Variants in MYCBP2 observed in about 807,000 individuals in gnomAD.
MYCBP2 encodes E3 ubiquitin-protein ligase MYCBP2.
Under a neutral mutation model 525.3 loss-of-function variants are expected in MYCBP2, and 120 were observed. That is an observed-to-expected ratio of 0.23 (90% CI 0.20 to 0.27). The LOEUF (loss-of-function observed/expected upper bound fraction) is 0.27. Ranked by LOEUF, MYCBP2 falls within the 10% of genes least tolerant of loss-of-function variation. MYCBP2 has a pLI of 1.00. For synonymous variants in MYCBP2, 1,894 were observed against 1,955.8 expected (o/e 0.97, Z 0.83); for missense variants, 4,149 against 5,657.1 (o/e 0.73, Z 8.55).
Position 77,326,322 on chromosome 13 carries a change from G to A in MYCBP2, c.302+152C>T. On this transcript the variant is annotated intron_variant, in intron 1 of 82. Coordinates refer to ENST00000544440, the MANE Select transcript of MYCBP2 (RefSeq NM_015057.5). This position sits in a 1 kb window ranked among gnomAD's most constrained non-coding sequence, Gnocchi z 4.2. ...CCACCGCACCCTCCTATCTCGATAAGTGCTCCTGCCAACAGACATCCAGAG... is the reference window on the plus strand; with the variant it reads ...CCACCGCACCCTCCTATCTCGATAAATGCTCCTGCCAACAGACATCCAGAG... 1 of 714,954 alleles carries A rather than the reference G, an allele frequency of 1.4e-6. No individual in the cohort carries two copies. The highest frequency in any genetic ancestry group is 2.2e-6 in the Non-Finnish European group (1 of 464,678). 44.3% of individuals were successfully genotyped at this position (714,954 alleles called of 1,614,324 possible).
At chr13:77,102,737 A>T (rs905566916) in intron 55 of MYCBP2, among the ~76,000 whole-genome samples, 2 of 151,778 alleles carry the variant, frequency 1.3e-5, no homozygotes, top group Admixed American at 6.6e-5. Context: ...CCTAATAACT[A>T]ATTTAAACTT....
intron 58 of MYCBP2, 111 bp downstream of exon 58, chr13:77,095,247 A>G: frequency 7.7e-7 from 1 of 1,295,818 alleles, no homozygotes; most frequent in African/African-American, 1.5e-5. Flanking sequence ...GTTTGTTTAT[A>G]GTACACAATA....
chr13:77,136,381 T>C (rs1430152089), intron 52 of MYCBP2, among the ~76,000 whole-genome samples: 1 of 152,252 alleles, frequency 6.6e-6, no homozygotes, highest in East Asian at 1.9e-4. Context: ...ATTCACTATA[T>C]TGTTCTAGGA....
chr13:77,257,872 C>CT, intron 13 of MYCBP2, 43 bp from the exon 14 acceptor site: 1 of 1,521,422 alleles, frequency 6.6e-7, no homozygotes. Context: ...CAAAAAGGCC[C>CT]TTCTGAGCCT....
chr13:77,241,382 T>TA (rs1367002669), intron 17 of MYCBP2, among the ~76,000 whole-genome samples: 1 of 152,196 alleles, frequency 6.6e-6, no homozygotes, highest in East Asian at 1.9e-4. Flanking sequence ...GGATGTGCTA[T>TA]ACTGTAGTTT....
intron 8 of MYCBP2, among the ~76,000 whole-genome samples, chr13:77,266,746 GA>G (rs56408804): frequency 0.11 from 10,233 of 89,200 alleles, 361 homozygotes; most frequent in East Asian, 0.26. Context: ...GACTTGTAAT[GA>G]AAAAAAAAAA....
Position 77,326,439 on chromosome 13 carries a change from C to T in MYCBP2, c.302+35G>A. 6.6e-7 allele frequency: 1 copy of T among 1,513,472 alleles called. No individual in the cohort carries two copies. The highest frequency in any genetic ancestry group is 8.8e-7 in the Non-Finnish European group (1 of 1,136,588). The allele number at this position is 1,513,472 out of a possible 1,614,324, so 93.8% of individuals were successfully genotyped here. A position where few individuals can be genotyped will look rare whatever the true frequency, so the allele number is the denominator to read the frequency against. On this transcript the variant is annotated intron_variant, in intron 1 of 82. Transcript: ENST00000544440. This position sits in a 1 kb window ranked among gnomAD's most constrained non-coding sequence, Gnocchi z 4.2. ...CGGCATGGGGCGCAAGGAAGGGCGG[C>T]ATGGGGCGCAAGGAAGGGCACCCTG...
intron 54 of MYCBP2, among the ~76,000 whole-genome samples, chr13:77,122,794 T>C (rs913606584): frequency 6.6e-6 from 1 of 152,066 alleles, no homozygotes; most frequent in Non-Finnish European, 1.5e-5. Context: ...GCAATTCTGC[T>C]AAACCAGTGG....
In MYCBP2 at chr13:77,081,470, G is replaced by A. The variant is rs1233911314; in HGVS notation, c.11375C>T (p.Ala3792Val). ...ITINCVKGINARYVSVHVDNS... is the reference protein window; with the variant it reads ...ITINCVKGINVRYVSVHVDNS... ...GTCCACGTGAACAGACACATAGCGG[G>A]CATTGATTCCTTTTACACAGTTGAT... Residue 3792 changes from alanine to valine, a missense_variant, in exon 65 of 83, where the codon GCC (alanine) becomes GTC (valine). Physicochemically the swap from Ala to Val is moderately conservative, Grantham distance 64 (BLOSUM62 0). Coordinates refer to ENST00000544440, the MANE Select transcript of MYCBP2 (RefSeq NM_015057.5). The surrounding 1 kb of genome is among the most constrained non-coding windows in gnomAD (Gnocchi z 4.6). 1.9e-6 allele frequency: 3 copies of A among 1,612,456 alleles called. No homozygotes were observed. The highest frequency in any genetic ancestry group is 1.7e-5 in the Admixed American group (1 of 59,972).
In MYCBP2 at chr13:77,089,046, G is replaced by C; in HGVS notation, c.10526-15C>G. 1 of 1,584,676 alleles carries C rather than the reference G, an allele frequency of 6.3e-7. No homozygotes were observed. Among genetic ancestry groups the C allele is most frequent in the Non-Finnish European group, 8.6e-7 (1 of 1,163,760 alleles). On this transcript the variant is annotated splice_polypyrimidine_tract_variant and intron_variant, in intron 60 of 82. Transcript: ENST00000544440. ...AGAACCAACTTCTATTAAAGAAAAAGAAAATTATTAATTTTCATAGGCAGT... is the reference window on the plus strand; with the variant it reads ...AGAACCAACTTCTATTAAAGAAAAACAAAATTATTAATTTTCATAGGCAGT...
chr13:77,231,125 A>T (rs1566989508), intron 18 of MYCBP2, among the ~76,000 whole-genome samples: 2 of 152,362 alleles, frequency 1.3e-5, no homozygotes, highest in East Asian at 3.9e-4. Context: ...GAGTAAAAAG[A>T]TAAAACTATC....
In MYCBP2 at chr13:77,205,346, T is replaced by C. The variant is rs781505120; in HGVS notation, c.3753A>G (p.Val1251=). Residue 1251 remains valine, a synonymous_variant, in exon 26 of 83, where the codon GTA becomes GTG. Transcript: ENST00000544440. ...TGTCGGCACTGAAACGTATAGCTTC[T>C]ACTGAATGGGCAGAATAACCCCAGC... The part of the protein sequence containing the change: ...GGGWGYSAHS[V]EAIRFSADTD... The C allele has an allele frequency of 1.2e-6, 2 of 1,613,902 alleles. No individual in the cohort carries two copies. Among genetic ancestry groups the C allele is most frequent in the Non-Finnish European group, 1.7e-6 (2 of 1,179,860 alleles).
intron 38 of MYCBP2, among the ~76,000 whole-genome samples, chr13:77,170,198 T>C (rs774427223): frequency 2.0e-5 from 3 of 152,192 alleles, no homozygotes; most frequent in African/African-American, 7.2e-5. Flanking sequence ...GTAAAACACT[T>C]AGAACAACAC....
chr13:77,210,203 C>CT lies in MYCBP2; in HGVS notation c.3416+963dup, dbSNP rs1172865301. Among the ~76,000 whole-genome samples, 574 of 138,134 alleles carry CT rather than the reference C, an allele frequency of 4.2e-3. 5 individuals carry two copies. Among genetic ancestry groups the CT allele is most frequent in the South Asian group, 0.017 (71 of 4,294 alleles). The allele number at this position is 138,134 out of a possible 152,430, so 90.6% of individuals were successfully genotyped here. A position where few individuals can be genotyped will look rare whatever the true frequency, so the allele number is the denominator to read the frequency against. On this transcript the variant is annotated intron_variant, in intron 23 of 82. Transcript: ENST00000544440. The stretch of plus-strand genomic sequence containing the variant: ...TAAAGCACCACAATAATTTTTTTTT[C>CT]TTTTTTTTTTTTTTTGAGACAGAGT...
chr13:77,130,444 T>C (rs1224154449), intron 52 of MYCBP2, among the ~76,000 whole-genome samples: 1 of 151,882 alleles, frequency 6.6e-6, no homozygotes. Context: ...TATGTACAGA[T>C]GAATGTGGGT....
chr13:77,217,963 T>TCA lies in MYCBP2; in HGVS notation c.2940-7_2940-6insTG. ...GAACAAGAGTGGGACATCCCCTAGGTTAAAAAAAAAAAAAGTAAGTCAATT... is the reference window on the plus strand; with the variant it reads ...GAACAAGAGTGGGACATCCCCTAGGTCATAAAAAAAAAAAAAGTAAGTCAATT... On this transcript the variant is annotated splice_region_variant and splice_polypyrimidine_tract_variant and intron_variant, in intron 20 of 82. Transcript: ENST00000544440. The TCA allele has an allele frequency of 6.5e-7, 1 of 1,535,922 alleles. No individual in the cohort carries two copies. Among genetic ancestry groups the TCA allele is most frequent in the East Asian group, 2.7e-5 (1 of 37,508 alleles).
intron 46 of MYCBP2, among the ~76,000 whole-genome samples, chr13:77,151,528 T>C (rs565729261): frequency 9.2e-5 from 14 of 152,320 alleles, no homozygotes; most frequent in African/African-American, 3.1e-4. Flanking sequence ...ATTTAAGCAA[T>C]CTATTAAATA....
rs118115161 is a variant in MYCBP2, at chr13:77,279,991, C to T, written c.595-1080G>A. On this transcript the variant is annotated intron_variant, in intron 3 of 82. Transcript: ENST00000544440. ...CAATATACAAGGAACATGTCTTAAA[C>T]GGCTTAATACCTCCCATGCCTAGCC... Among the ~76,000 whole-genome samples, 1,118 of 152,290 alleles carry T rather than the reference C, an allele frequency of 7.3e-3. 9 individuals are homozygous for T. Among genetic ancestry groups the T allele is most frequent in the Non-Finnish European group, 0.011 (757 of 68,008 alleles).
intron 56 of MYCBP2, 24 bp downstream of exon 56, chr13:77,097,346 C>T (rs367651238): frequency 2.1e-5 from 33 of 1,565,906 alleles, no homozygotes; most frequent in Admixed American, 1.9e-4. Context: ...AGCACTTATA[C>T]GTACATTCAA....
Sources: gnomAD v4.1 joint callset for allele counts (sites outside exome capture counted in the v4.1 genomes callset) on GRCh38, gnomAD v4.1.1 for gene constraint, Gnocchi (gnomAD v3.1) non-coding constraint, MANE v1.5 for transcripts, NCBI Gene and HGNC (gene_info 2026-07-23, HGNC 2026-07-21) for gene names.